The following CTBP2 variants were observed in gnomAD, a reference collection of about 807,000 sequenced individuals.
CTBP2 encodes C-terminal-binding protein 2.
In CTBP2, 30 loss-of-function variants were observed where a neutral mutation model predicts 80.3. The ratio of observed to expected loss-of-function variants is 0.37; its 90% CI spans 0.28 to 0.51. The LOEUF is 0.51. CTBP2 is among the 20% of genes least tolerant of loss of function. The pLI is 0.93. For missense variants in CTBP2, 1,212 were observed against 1,375.3 expected, an observed-to-expected ratio of 0.88 and a Z score of 1.88; for synonymous variants, 594 against 587.4, an observed-to-expected ratio of 1.01 and a Z score of -0.16.
intron 4 of CTBP2, chr10:124,996,345 A>G (rs1447694157): frequency 6.6e-6 from 1 of 151,346 alleles, no homozygotes; most frequent in African/African-American, 2.4e-5. Context: ...GGCCTGGGGG[A>G]CTCTTGCTCA....
At chr10:125,134,486 T>C (rs1194297587) in intron 1 of CTBP2, among the ~76,000 whole-genome samples, 2 of 152,068 alleles carry the variant, frequency 1.3e-5, no homozygotes, top group Admixed American at 1.3e-4. Context: ...CACAGCAAAG[T>C]TCTTGTTCTG....
chr10:124,996,309 C>A (rs1953559580), intron 4 of CTBP2: 1 of 152,180 alleles, frequency 6.6e-6, no homozygotes, highest in Non-Finnish European at 1.5e-5. Context: ...CACCGTCCCA[C>A]CCCGCCTGCT....
chr10:125,090,285 C>CAAAAA (rs56714830), intron 2 of CTBP2, among the ~76,000 whole-genome samples: 28 of 65,434 alleles, frequency 4.3e-4, no homozygotes, highest in Non-Finnish European at 6.0e-4. Context: ...GTCCCTGGCT[C>CAAAAA]AAAAAAAAAA....
chr10:125,137,167 G>A (rs1443320561), intron 1 of CTBP2, among the ~76,000 whole-genome samples: 1 of 152,228 alleles, frequency 6.6e-6, no homozygotes, highest in African/African-American at 2.4e-5. Context: ...AACAATTTCT[G>A]AGTTTAAGGA....
At chr10:125,021,446 G>C (rs1957030246) in intron 1 of CTBP2, among the ~76,000 whole-genome samples, 1 of 152,218 alleles carries the variant, frequency 6.6e-6, no homozygotes, top group Non-Finnish European at 1.5e-5. Flanking sequence ...GGCACGTCCA[G>C]GAGCCTGAAA....
At chr10:125,063,441 A>G (rs965527676) in intron 2 of CTBP2, among the ~76,000 whole-genome samples, 1 of 152,188 alleles carries the variant, frequency 6.6e-6, no homozygotes, top group South Asian at 2.1e-4. Flanking sequence ...GCTGGCAAGG[A>G]CACCCCAGGA....
intron 1 of CTBP2, among the ~76,000 whole-genome samples, chr10:125,145,882 A>G (rs991718576): frequency 1.3e-5 from 2 of 151,956 alleles, no homozygotes; most frequent in African/African-American, 4.8e-5. Flanking sequence ...TGGTTTCCCA[A>G]GGGCATTTTC....
At chr10:125,105,688 A>G (rs1218794669) in intron 2 of CTBP2, among the ~76,000 whole-genome samples, 3 of 152,232 alleles carry the variant, frequency 2.0e-5, no homozygotes, top group Non-Finnish European at 4.4e-5. Context: ...TTTAAAAAAA[A>G]ACAAGTTATT....
At chr10:125,011,995 CG>C (rs1565089667) in intron 1 of CTBP2, among the ~76,000 whole-genome samples, 2 of 152,148 alleles carry the variant, frequency 1.3e-5, no homozygotes, top group East Asian at 3.9e-4. Flanking sequence ...GCCATCCACC[CG>C]GGGCAGATCC....
At chr10:125,092,244 T>C (rs1280696861) in intron 2 of CTBP2, among the ~76,000 whole-genome samples, 5 of 145,668 alleles carry the variant, frequency 3.4e-5, no homozygotes, top group Non-Finnish European at 7.5e-5. Flanking sequence ...TACAGTGGCA[T>C]GATCTCTATG....
At chr10:125,048,689 C>A (rs1961886148) in intron 2 of CTBP2, among the ~76,000 whole-genome samples, 1 of 152,186 alleles carries the variant, frequency 6.6e-6, no homozygotes, top group Non-Finnish European at 1.5e-5. Flanking sequence ...ATTACGTCTG[C>A]TGACAGCAAC....
rs1190870128 is a variant in CTBP2 at position 125,058,872 on chromosome 10, CGACAGGGTGA to C, written c.-101-19727_-101-19718del. Among the ~76,000 whole-genome samples, 6 of 152,182 alleles carry C rather than the reference CGACAGGGTGA, an allele frequency of 3.9e-5. No homozygotes were observed. The East Asian group carries it at 1.2e-3, about 29-fold the overall frequency. ...TTATGCCACTGCACTCCAGCCTGGG[CGACAGGGTGA>C]GACTCTGTCTCAAAATAAAAAGGCA... is the stretch of plus-strand genomic sequence containing the variant. On this transcript the variant is annotated intron_variant, in intron 2 of 10. Coordinates refer to the CTBP2 transcript ENST00000337195.
At chr10:125,131,668 G>A (rs983952703) in intron 1 of CTBP2, among the ~76,000 whole-genome samples, 2 of 152,156 alleles carry the variant, frequency 1.3e-5, no homozygotes, top group Non-Finnish European at 2.9e-5. Flanking sequence ...CAACACATTA[G>A]AATTTGATTT....
chr10:125,117,029 C>G (rs906059085), intron 1 of CTBP2, among the ~76,000 whole-genome samples: 1 of 152,210 alleles, frequency 6.6e-6, no homozygotes, highest in African/African-American at 2.4e-5. Flanking sequence ...TCCTGCGTAC[C>G]ACAGTGGCTC....
At chr10:124,989,740 G>T in intron 8 of CTBP2, 42 bp from the exon 11 acceptor site, 1 of 1,507,740 alleles carries the variant, frequency 6.6e-7, no homozygotes, top group South Asian at 1.3e-5. Flanking sequence ...GTTCAGGGCA[G>T]AGTTGCCAAG....
intron 2 of CTBP2, among the ~76,000 whole-genome samples, chr10:125,090,687 C>T (rs747116662): frequency 8.6e-5 from 13 of 151,690 alleles, no homozygotes; most frequent in Non-Finnish European, 1.8e-4. Context: ...TGCTTGAGCC[C>T]AGGACGTCGA....
At chr10:125,098,518 C>G (rs1233826028) in intron 2 of CTBP2, among the ~76,000 whole-genome samples, 1 of 152,078 alleles carries the variant, frequency 6.6e-6, no homozygotes, top group African/African-American at 2.4e-5. Context: ...GATGAGCGGG[C>G]CATGCTTCCG....
upstream of CTBP2, among the ~76,000 whole-genome samples, chr10:125,029,240 A>G (rs1463222242): frequency 7.2e-6 from 1 of 139,730 alleles, no homozygotes; most frequent in Admixed American, 7.4e-5. Flanking sequence ...TTTTTTTGAG[A>G]CACAGTTTTT....
intron 2 of CTBP2, among the ~76,000 whole-genome samples, chr10:125,040,715 T>C (rs796405743): frequency 2.1e-4 from 32 of 152,192 alleles, no homozygotes; most frequent in African/African-American, 7.7e-4. Context: ...AGGATAATGA[T>C]GTACGGTCAT....
Sources: gnomAD v4.1 joint callset for allele counts (sites outside exome capture counted in the v4.1 genomes callset) on GRCh38, gnomAD v4.1.1 for gene constraint, MANE v1.5 for transcripts, NCBI Gene and HGNC (gene_info 2026-07-23, HGNC 2026-07-21) for gene names.